The following XIRP2 variants were observed in gnomAD, a reference collection of about 807,000 sequenced individuals.
XIRP2 encodes the protein xin actin-binding repeat-containing protein 2.
A neutral mutation model predicts 277.0 loss-of-function variants in XIRP2; 236 were observed. The ratio of observed to expected loss-of-function variants is 0.85; its 90% CI spans 0.77 to 0.95. The LOEUF (loss-of-function observed/expected upper bound fraction) is 0.95. Ranked by LOEUF, XIRP2 falls within the 40% of genes least tolerant of loss-of-function variation. XIRP2 has a pLI of 0.00. For synonymous variants in XIRP2, 1,490 were observed against 1,416.5 expected (o/e 1.05, Z -1.17); for missense variants, 4,640 against 4,157.5 (o/e 1.12, Z -3.19).
intron 2 of XIRP2, among the ~76,000 whole-genome samples, chr2:166,968,540 T>C (rs533127508): frequency 6.6e-6 from 1 of 152,074 alleles, no homozygotes; most frequent in African/African-American, 2.4e-5. Context: ...TTCAAATCCC[T>C]GATGCTTCAT....
At chr2:166,974,254 T>G (rs1322353059) in intron 2 of XIRP2, among the ~76,000 whole-genome samples, 1 of 151,910 alleles carries the variant, frequency 6.6e-6, no homozygotes, top group Non-Finnish European at 1.5e-5. Flanking sequence ...TTGTGGCAGA[T>G]CCACACTGCA....
At chr2:167,097,018 T>G (rs1295808145) in intron 2 of XIRP2, among the ~76,000 whole-genome samples, 3 of 152,292 alleles carry the variant, frequency 2.0e-5, no homozygotes, top group African/African-American at 7.2e-5. Context: ...TAATGTATAT[T>G]CTGTTGATTT....
At chr2:167,026,199 C>A (rs555382494) in intron 2 of XIRP2, among the ~76,000 whole-genome samples, 57 of 152,262 alleles carry the variant, frequency 3.7e-4, no homozygotes, top group African/African-American at 1.4e-3. Context: ...GATCCCTTTA[C>A]CATTATGTAA....
Position 166,980,076 on chromosome 2 carries a change from C to A in XIRP2, c.408+76186C>A, listed in dbSNP as rs140657917. ...AACTATTTCTTCTCAATAAGCTTGG[C>A]AATTTGTGTCTTTCAAGAAATTTAG... On this transcript the variant is annotated intron_variant, in intron 2 of 10. Coordinates refer to ENST00000409195, the MANE Select transcript of XIRP2 (RefSeq NM_152381.6). Among the ~76,000 whole-genome samples, 967 of 152,190 alleles carry A rather than the reference C, an allele frequency of 6.4e-3. 14 individuals are homozygous for A. The highest frequency in any genetic ancestry group is 0.022 in the African/African-American group (918 of 41,540).
intron 2 of XIRP2, among the ~76,000 whole-genome samples, chr2:166,966,200 C>A (rs1167802981): frequency 6.6e-6 from 1 of 151,746 alleles, no homozygotes; most frequent in Non-Finnish European, 1.5e-5. Context: ...TCAATATTAA[C>A]ACTTTTTTAA....
At chr2:166,944,722 A>G (rs999847819) in intron 2 of XIRP2, among the ~76,000 whole-genome samples, 9 of 152,174 alleles carry the variant, frequency 5.9e-5, no homozygotes, top group Admixed American at 3.3e-4. Flanking sequence ...GTTTTAACTC[A>G]TTTTATCTTC....
At chr2:167,016,071 C>A (rs568489761) in intron 2 of XIRP2, among the ~76,000 whole-genome samples, 1 of 151,732 alleles carries the variant, frequency 6.6e-6, no homozygotes, top group Non-Finnish European at 1.5e-5. Context: ...TCCAAGTTCA[C>A]GTATTCATGT....
chr2:167,045,621 G>A (rs1374006562), intron 2 of XIRP2, among the ~76,000 whole-genome samples: 1 of 152,000 alleles, frequency 6.6e-6, no homozygotes, highest in Non-Finnish European at 1.5e-5. Context: ...TGGCTAACAA[G>A]CATATGATAA....
chr2:167,015,551 A>C (rs891690923), intron 2 of XIRP2, among the ~76,000 whole-genome samples: 2 of 151,682 alleles, frequency 1.3e-5, no homozygotes, highest in African/African-American at 4.8e-5. Context: ...AGCTTAAATA[A>C]ATTTCTTAAA....
intron 2 of XIRP2, among the ~76,000 whole-genome samples, chr2:167,020,979 G>A (rs79719769): frequency 0.036 from 5,539 of 151,988 alleles, 115 homozygotes; most frequent in East Asian, 0.055. Context: ...GGATCTTTGC[G>A]TTGGCAGGGG....
At chr2:167,254,496 A>G in intron 10 of XIRP2, among the ~76,000 whole-genome samples, 1 of 151,880 alleles carries the variant, frequency 6.6e-6, no homozygotes, top group East Asian at 1.9e-4. Context: ...GGTAGCACAC[A>G]TTTTCTGTTA....
chr2:166,916,983 G>T (rs1684902237), intron 2 of XIRP2, among the ~76,000 whole-genome samples: 1 of 152,116 alleles, frequency 6.6e-6, no homozygotes, highest in African/African-American at 2.4e-5. Context: ...TAGCACCAAG[G>T]TAGCACTACA....
In XIRP2 at chr2:167,246,007, G is replaced by A. The variant is rs1695248000; in HGVS notation, c.4615G>A (p.Glu1539Lys). Residue 1539 changes from glutamate to lysine, a missense_variant, in exon 9 of 11, where the codon GAA becomes AAA. Coordinates refer to ENST00000409195, the MANE Select transcript of XIRP2 (RefSeq NM_152381.6). ...AACAACACCACTTCATGAATTTAAT[G>A]AAACTAGAGTAGAAAAGATAGAAAT... ...FETTPLHEFNETRVEKIEIIG... is the reference protein window; with the variant it reads ...FETTPLHEFNKTRVEKIEIIG... 1.2e-5 allele frequency: 20 copies of A among 1,613,118 alleles called. No homozygotes were observed. The highest frequency in any genetic ancestry group is 1.6e-5 in the Non-Finnish European group (19 of 1,179,632).
intron 10 of XIRP2, 109 bp from the exon 11 acceptor site, chr2:167,257,748 C>A: frequency 1.9e-6 from 2 of 1,058,364 alleles, no homozygotes; most frequent in Non-Finnish European, 1.3e-6. Flanking sequence ...ATTCCCATTG[C>A]TAGTAACTTA....
intron 5 of XIRP2, among the ~76,000 whole-genome samples, chr2:167,237,732 T>G (rs1349874925): frequency 1.3e-5 from 2 of 152,192 alleles, no homozygotes; most frequent in Admixed American, 6.5e-5. Flanking sequence ...GTGCCCCTCA[T>G]AGGGACCTTG....
chr2:167,245,477 T>C lies in XIRP2; in HGVS notation c.4085T>C (p.Ile1362Thr), dbSNP rs749824540. Residue 1362 changes from isoleucine to threonine, a missense_variant, in exon 9 of 11, where the codon ATT becomes ACT. Coordinates refer to ENST00000409195, the MANE Select transcript of XIRP2 (RefSeq NM_152381.6). The stretch of plus-strand genomic sequence containing the variant: ...TTTGAAACAAAGCCATTAGACTCTA[T>C]TAATAAATCAGAAACTGTGTATGTT... Reference protein sequence around the residue: ...WLFETKPLDSINKSETVYVIK... With the variant: ...WLFETKPLDSTNKSETVYVIK... 8 of 1,613,614 alleles carry C rather than the reference T, an allele frequency of 5.0e-6. No individual in the cohort carries two copies. Among genetic ancestry groups the C allele is most frequent in the Non-Finnish European group, 6.8e-6 (8 of 1,179,734 alleles).
intron 1 of XIRP2, among the ~76,000 whole-genome samples, chr2:166,901,238 C>T (rs1684381522): frequency 6.6e-6 from 1 of 152,046 alleles, no homozygotes; most frequent in Admixed American, 6.6e-5. Context: ...CTTCCCACCA[C>T]CAGTTCTTTA....
At chr2:167,068,629 C>T (rs1413705400) in intron 2 of XIRP2, among the ~76,000 whole-genome samples, 1 of 150,440 alleles carries the variant, frequency 6.6e-6, no homozygotes, top group Non-Finnish European at 1.5e-5. Context: ...CTTTTTTAAA[C>T]TAACTTTTAA....
At chr2:167,237,921 GT>G (rs1359328801) in intron 5 of XIRP2, among the ~76,000 whole-genome samples, 1 of 152,174 alleles carries the variant, frequency 6.6e-6, no homozygotes, top group Non-Finnish European at 1.5e-5. Flanking sequence ...TATATCTGCA[GT>G]TGTCAATGAT....
Sources: allele counts gnomAD v4.1 joint callset (sites outside exome capture counted in the v4.1 genomes callset), GRCh38; gene constraint gnomAD v4.1.1; transcripts MANE v1.5; gene names NCBI Gene and HGNC (gene_info 2026-07-23, HGNC 2026-07-21).